The following CHST9 variants were observed in gnomAD, a reference collection of about 807,000 sequenced individuals.
CHST9 encodes the protein carbohydrate sulfotransferase 9.
In CHST9, 41 loss-of-function variants were observed where a neutral mutation model predicts 44.4. That is an observed-to-expected ratio of 0.92 (90% CI 0.72 to 1.20). The LOEUF is 1.20. CHST9 is among the 50% of genes most tolerant of loss of function. The pLI is 0.00. For missense variants in CHST9, 504 were observed against 516.5 expected (o/e 0.98, Z 0.23); for synonymous variants, 171 against 178.4 (o/e 0.96, Z 0.33).
intron 4 of CHST9, among the ~76,000 whole-genome samples, chr18:27,000,656 CTCTCTA>C (rs1598627871): frequency 6.8e-6 from 1 of 147,598 alleles, no homozygotes; most frequent in East Asian, 2.0e-4. Flanking sequence ...ATCTATCTAT[CTCTCTA>C]TCTATCTATT....
At chr18:27,011,104 AG>A (rs1184121903) in intron 4 of CHST9, among the ~76,000 whole-genome samples, 5 of 152,242 alleles carry the variant, frequency 3.3e-5, no homozygotes, top group South Asian at 2.1e-4. Context: ...TTGAAGCCAC[AG>A]GAAGATTTAT....
intron 4 of CHST9, among the ~76,000 whole-genome samples, chr18:27,019,360 A>C (rs2057193217): frequency 6.6e-6 from 1 of 152,196 alleles, no homozygotes; most frequent in South Asian, 2.1e-4. Flanking sequence ...AAAAGGTATT[A>C]TCCTTGAATA....
chr18:27,079,091 G>A (rs777910253), intron 2 of CHST9, among the ~76,000 whole-genome samples: 1 of 152,238 alleles, frequency 6.6e-6, no homozygotes, highest in Middle Eastern at 3.4e-3. Flanking sequence ...GTACTCTGAA[G>A]CCCTCCTATG....
chr18:27,144,331 G>T (rs908923630), intron 1 of CHST9, among the ~76,000 whole-genome samples: 2 of 152,144 alleles, frequency 1.3e-5, no homozygotes, highest in Non-Finnish European at 2.9e-5. Flanking sequence ...GTTAAAAACT[G>T]CTGTGGGAAA....
intron 2 of CHST9, among the ~76,000 whole-genome samples, chr18:27,085,691 C>T (rs2058006161): frequency 6.6e-6 from 1 of 152,058 alleles, no homozygotes; most frequent in Admixed American, 6.6e-5. Context: ...TTAGTTCAAC[C>T]ACTGTTGAAA....
At chr18:27,082,507 C>T (rs2057970456) in intron 2 of CHST9, among the ~76,000 whole-genome samples, 1 of 152,116 alleles carries the variant, frequency 6.6e-6, no homozygotes, top group Admixed American at 6.6e-5. Flanking sequence ...GGGGCTTCTC[C>T]CATCCTCAGT....
intron 2 of CHST9, among the ~76,000 whole-genome samples, chr18:27,086,642 C>T (rs1382128794): frequency 6.6e-6 from 1 of 151,982 alleles, no homozygotes; most frequent in African/African-American, 2.4e-5. Context: ...GATTCTACAG[C>T]GGGAGTGCTT....
At chr18:27,042,057 T>G (rs1226283556) in intron 3 of CHST9, among the ~76,000 whole-genome samples, 3 of 152,144 alleles carry the variant, frequency 2.0e-5, no homozygotes, top group Non-Finnish European at 4.4e-5. Context: ...GGAGATGGAT[T>G]GCCTGGGAGG....
At chr18:27,013,329 A>G (rs1318023320) in intron 4 of CHST9, among the ~76,000 whole-genome samples, 1 of 152,236 alleles carries the variant, frequency 6.6e-6, no homozygotes, top group Non-Finnish European at 1.5e-5. Context: ...TACGCACAAC[A>G]TTGGCAGATT....
intron 4 of CHST9, among the ~76,000 whole-genome samples, chr18:27,016,523 C>T (rs906204829): frequency 7.9e-5 from 12 of 152,134 alleles, no homozygotes; most frequent in South Asian, 2.1e-4. Flanking sequence ...AAAAACTGTA[C>T]GTTTGTTTAC....
intron 1 of CHST9, among the ~76,000 whole-genome samples, chr18:27,180,847 A>G (rs1423164154): frequency 6.6e-6 from 1 of 152,190 alleles, no homozygotes; most frequent in Non-Finnish European, 1.5e-5. Context: ...GATTCCTTTA[A>G]TAAGTGTATA....
At chr18:27,141,879 G>A (rs947564500) in intron 2 of CHST9, among the ~76,000 whole-genome samples, 1 of 151,896 alleles carries the variant, frequency 6.6e-6, no homozygotes, top group African/African-American at 2.4e-5. Flanking sequence ...AACTTCACAA[G>A]ATCTGTATGT....
At position 27,162,747 on chromosome 18, in the gene CHST9, A is replaced by G. The variant is rs1022998539; in HGVS notation, c.-96-19842T>C. Among the ~76,000 whole-genome samples, 6 of 152,262 alleles carry G rather than the reference A, an allele frequency of 3.9e-5. No homozygotes were observed. In the East Asian group the frequency reaches 7.7e-4, roughly 20 times the overall value. On this transcript the variant is annotated intron_variant, in intron 1 of 5. Transcript: ENST00000618847. ...TTTCGAGGTTTTTAACTTCTTTGCCATGGCTTCGAACTTCCTCCTTTAGCT... is the reference window on the plus strand; with the variant it reads ...TTTCGAGGTTTTTAACTTCTTTGCCGTGGCTTCGAACTTCCTCCTTTAGCT...
intron 2 of CHST9, among the ~76,000 whole-genome samples, chr18:27,102,878 A>T (rs1436902853): frequency 2.0e-5 from 3 of 152,102 alleles, no homozygotes; most frequent in Admixed American, 6.6e-5. Flanking sequence ...TTCTGTATTG[A>T]ATTTTAAAGT....
intron 2 of CHST9, among the ~76,000 whole-genome samples, chr18:27,089,144 AT>A (rs960641561): frequency 8.7e-5 from 13 of 149,886 alleles, no homozygotes; most frequent in African/African-American, 2.0e-4. Context: ...TCTTTCCTTC[AT>A]TTTTTTTTAT....
chr18:27,061,467 C>G (rs947386769), intron 2 of CHST9, among the ~76,000 whole-genome samples: 64 of 152,304 alleles, frequency 4.2e-4, no homozygotes, highest in African/African-American at 1.5e-3. Context: ...TTCTCTTGCT[C>G]TCTTTCACAC....
At chr18:26,984,729 CAA>C (rs200222761) in intron 4 of CHST9, among the ~76,000 whole-genome samples, 128 of 61,678 alleles carry the variant, frequency 2.1e-3, no homozygotes, top group East Asian at 8.7e-3. Context: ...TACCAAAAGA[CAA>C]AAAAAAAAAA....
At chr18:27,132,345 T>G (rs1335280849) in intron 2 of CHST9, among the ~76,000 whole-genome samples, 1 of 152,196 alleles carries the variant, frequency 6.6e-6, no homozygotes, top group Non-Finnish European at 1.5e-5. Context: ...AAAAATAAAC[T>G]GCAGATAACA....
At chr18:27,119,635 T>C (rs150016712) in intron 2 of CHST9, among the ~76,000 whole-genome samples, 1 of 147,372 alleles carries the variant, frequency 6.8e-6, no homozygotes, top group East Asian at 2.0e-4. Flanking sequence ...TGCCTACTTA[T>C]CAGTTTTTTT....
Sources: allele counts gnomAD v4.1 joint callset (sites outside exome capture counted in the v4.1 genomes callset), GRCh38; gene constraint gnomAD v4.1.1; transcripts MANE v1.5; gene names NCBI Gene and HGNC (gene_info 2026-07-23, HGNC 2026-07-21).